Variants in UBE2G1 observed in about 807,000 individuals in gnomAD.
The protein encoded by UBE2G1 is ubiquitin conjugating enzyme E2 G1.
Under a neutral mutation model 22.7 loss-of-function variants are expected in UBE2G1, and 5 were observed. That is an observed-to-expected ratio of 0.22 (90% confidence interval 0.12 to 0.46). The LOEUF is 0.46. Ranked by LOEUF, UBE2G1 falls within the 20% of genes least tolerant of loss-of-function variation. UBE2G1 has a pLI of 0.99. For synonymous variants in UBE2G1, 74 were observed against 67.5 expected (o/e 1.10, Z -0.47); for missense variants, 88 against 203.9 (o/e 0.43, Z 3.46).
At chr17:4,298,442 C>A (rs1225231011) in intron 2 of UBE2G1, among the ~76,000 whole-genome samples, 1 of 152,218 alleles carries the variant, frequency 6.6e-6, no homozygotes, top group Non-Finnish European at 1.5e-5. Context: ...GTTACGAGAT[C>A]TTTTACTCTC....
chr17:4,277,382 A>T (rs188975836), intron 5 of UBE2G1, among the ~76,000 whole-genome samples: 3 of 152,342 alleles, frequency 2.0e-5, no homozygotes, highest in Admixed American at 2.0e-4. Context: ...GCAATAAAGA[A>T]CCAATACAGT....
At chr17:4,331,295 A>C (rs1969574749) in intron 1 of UBE2G1, among the ~76,000 whole-genome samples, 1 of 152,248 alleles carries the variant, frequency 6.6e-6, no homozygotes, top group African/African-American at 2.4e-5. Context: ...TGTTTTCATA[A>C]GGAAAATCCA....
At position 4,307,036 on chromosome 17, in the gene UBE2G1, G is replaced by A; in HGVS notation, c.134C>T (p.Pro45Leu). ...TTATACTTACTAAAGTGTATCTGGA[G>A]GGCCAATAATAAGGACTTCCCATCG... ...LYRWEVLIIG[P>L]PDTLYEGGVF... Residue 45 changes from proline to leucine, a missense_variant, in exon 2 of 6, where the codon CCT (proline) becomes CTT (leucine). This residue lies in a region of UBE2G1 where 50 missense variants were observed against 71.0 expected (regional missense o/e 0.70). Transcript: ENST00000396981. 6.2e-7 allele frequency: 1 copy of A among 1,613,672 alleles called. No individual in the cohort carries two copies. The highest frequency in any genetic ancestry group is 8.5e-7 in the Non-Finnish European group (1 of 1,179,642).
chr17:4,363,834 C>A (rs1005845473), intron 1 of UBE2G1, among the ~76,000 whole-genome samples: 5 of 151,128 alleles, frequency 3.3e-5, no homozygotes, highest in African/African-American at 1.2e-4. Flanking sequence ...CGCCTGTAGT[C>A]CCAGCTACTC....
At chr17:4,364,986 C>T (rs531420684) in intron 1 of UBE2G1, among the ~76,000 whole-genome samples, 6 of 152,370 alleles carry the variant, frequency 3.9e-5, no homozygotes, top group Admixed American at 1.3e-4. Flanking sequence ...AACTTTAATA[C>T]TTGTCCAAAC....
At chr17:4,286,153 CCAA>C (rs1968960535) in intron 4 of UBE2G1, among the ~76,000 whole-genome samples, 1 of 151,950 alleles carries the variant, frequency 6.6e-6, no homozygotes. Flanking sequence ...ACCTGTAATC[CCAA>C]CACTTTGGGA....
At chr17:4,333,223 G>A (rs531520500) in intron 1 of UBE2G1, among the ~76,000 whole-genome samples, 1 of 152,184 alleles carries the variant, frequency 6.6e-6, no homozygotes, top group Non-Finnish European at 1.5e-5. Context: ...GCAATATTGA[G>A]TAAGTTGCTG....
chr17:4,326,973 C>A (rs1462833114), intron 1 of UBE2G1, among the ~76,000 whole-genome samples: 4 of 152,178 alleles, frequency 2.6e-5, no homozygotes, highest in Non-Finnish European at 5.9e-5. Flanking sequence ...ACCAGCCAGG[C>A]CAACATGGCA....
chr17:4,359,583 T>C (rs1045474621), intron 1 of UBE2G1, among the ~76,000 whole-genome samples: 3 of 152,196 alleles, frequency 2.0e-5, no homozygotes, highest in African/African-American at 7.2e-5. Context: ...TAAAAACTTC[T>C]GATTAGACCG....
At position 4,282,490 on chromosome 17, in the gene UBE2G1, T is replaced by A. The variant is rs1465796668; in HGVS notation, c.*37+308A>T. ...GTGCCCAAGTGATCAGGATGCTAGA[T>A]CAAAAAGTCAAACAAAGAAACTAAA... On this transcript the variant is annotated intron_variant, in intron 5 of 5. Coordinates refer to ENST00000396981, the MANE Select transcript of UBE2G1 (RefSeq NM_003342.5). 2.6e-5 allele frequency among the ~76,000 whole-genome samples: 4 copies of A among 152,056 alleles called. No homozygotes were observed. The East Asian group carries it at 7.7e-4, about 29-fold the overall frequency.
intron 1 of UBE2G1, among the ~76,000 whole-genome samples, chr17:4,357,049 C>T (rs974864538): frequency 2.6e-5 from 4 of 152,114 alleles, no homozygotes; most frequent in African/African-American, 4.8e-5. Flanking sequence ...AATCCATATA[C>T]TTTATAGTCC....
At chr17:4,297,991 T>C (rs1015815616) in intron 2 of UBE2G1, among the ~76,000 whole-genome samples, 2 of 152,174 alleles carry the variant, frequency 1.3e-5, no homozygotes, top group African/African-American at 4.8e-5. Flanking sequence ...CGTAAAAGGA[T>C]ACAACAGAGA....
At chr17:4,315,203 T>TG (rs1393748491) in intron 1 of UBE2G1, among the ~76,000 whole-genome samples, 1 of 152,138 alleles carries the variant, frequency 6.6e-6, no homozygotes, top group African/African-American at 2.4e-5. Flanking sequence ...CTTCAGGGGC[T>TG]GGGGGAGTAC....
intron 1 of UBE2G1, among the ~76,000 whole-genome samples, chr17:4,330,746 A>G (rs2143776974): frequency 6.6e-6 from 1 of 151,808 alleles, no homozygotes; most frequent in Admixed American, 6.6e-5. Context: ...TCAAATAAAT[A>G]AAATATATTT....
At chr17:4,344,736 GTA>G (rs1969750388) in intron 1 of UBE2G1, among the ~76,000 whole-genome samples, 1 of 151,848 alleles carries the variant, frequency 6.6e-6, no homozygotes, top group Admixed American at 6.6e-5. Flanking sequence ...CCATGTGGTG[GTA>G]TAGTCCTAGC....
chr17:4,333,928 C>T (rs977776963), intron 1 of UBE2G1, among the ~76,000 whole-genome samples: 2 of 152,226 alleles, frequency 1.3e-5, no homozygotes, highest in African/African-American at 4.8e-5. Context: ...CCCTTCAACC[C>T]TGAATGAAGA....
intron 1 of UBE2G1, among the ~76,000 whole-genome samples, chr17:4,318,303 T>C (rs914201947): frequency 1.3e-5 from 2 of 152,162 alleles, no homozygotes; most frequent in Non-Finnish European, 2.9e-5. Context: ...ATTATTTCTT[T>C]TGGAAAATAC....
In UBE2G1 at chr17:4,274,097, C is replaced by T. The variant is rs1481389691; in HGVS notation, c.*38-1581G>A. On this transcript the variant is annotated intron_variant, in intron 5 of 5. Transcript: ENST00000396981. Reference sequence around the variant, plus strand: ...CCTGGTTCACGCCATTCTCCTGCCTCAGCCTCCCGAGTAGCTGGATCTACA... The same window carrying T: ...CCTGGTTCACGCCATTCTCCTGCCTTAGCCTCCCGAGTAGCTGGATCTACA... 5.3e-5 allele frequency among the ~76,000 whole-genome samples: 8 copies of T among 151,760 alleles called. No individual in the cohort carries two copies. In the East Asian group the frequency reaches 1.4e-3, roughly 26 times the overall value.
At chr17:4,344,383 A>T (rs2143803689) in intron 1 of UBE2G1, among the ~76,000 whole-genome samples, 1 of 152,128 alleles carries the variant, frequency 6.6e-6, no homozygotes, top group South Asian at 2.1e-4. Flanking sequence ...TACTAAAACT[A>T]CAAAAAATTA....
Sources: allele counts gnomAD v4.1 joint callset (sites outside exome capture counted in the v4.1 genomes callset), GRCh38; gene constraint gnomAD v4.1.1; regional missense constraint gnomAD v4.1.1; transcripts MANE v1.5; gene names NCBI Gene and HGNC (gene_info 2026-07-23, HGNC 2026-07-21).